CDC23: variants seen among roughly 807,000 people sequenced by gnomAD.
The protein encoded by CDC23 is cell division cycle 23, also known as cell division cycle protein 23 homolog.
CDC23 carries 26 observed loss-of-function variants against 81.7 expected under a neutral mutation model. The observed-to-expected ratio is 0.32, with a 90% confidence interval of 0.23 to 0.44. CDC23 has a LOEUF of 0.44. Ranked by LOEUF, CDC23 falls within the 20% of genes least tolerant of loss-of-function variation. The probability of loss-of-function intolerance (pLI) is 1.00; values close to 1 mark genes in which losing one functional copy is unlikely to be tolerated. For missense variants in CDC23, 519 were observed against 728.0 expected (o/e 0.71, Z 3.30); for synonymous variants, 267 against 270.8 (o/e 0.99, Z 0.14).
chr5:138,202,932 C>T (rs1278331301), intron 3 of CDC23, among the ~76,000 whole-genome samples: 1 of 152,118 alleles, frequency 6.6e-6, no homozygotes, highest in Non-Finnish European at 1.5e-5. Flanking sequence ...ATGTTATCCG[C>T]ACAGACTGTT....
At chr5:138,206,940 C>T (rs192203671) in intron 2 of CDC23, among the ~76,000 whole-genome samples, 1,513 of 141,614 alleles carry the variant, frequency 0.011, 13 homozygotes, top group Middle Eastern at 0.042. Context: ...AGTGCAGTGG[C>T]GCAATCTCAG....
intron 3 of CDC23, chr5:138,205,992 A>C (rs1370120389): frequency 6.6e-6 from 1 of 152,440 alleles, no homozygotes; most frequent in African/African-American, 2.4e-5. Context: ...AGGGATACTC[A>C]ACCTGTACTA....
rs374243034 is a variant in CDC23, at chr5:138,198,316, A to C, written c.931-36T>G. On this transcript the variant is annotated intron_variant, in intron 8 of 15. Coordinates refer to ENST00000394886, the MANE Select transcript of CDC23 (RefSeq NM_004661.4). ...AGAAAAAGACAATATAAGCATGAAA[A>C]AAGAACTCCCTAAATTATTTTTCCT... 164 of 1,594,974 alleles carry C rather than the reference A, an allele frequency of 1.0e-4. No individual in the cohort carries two copies. The African/African-American group carries it at 2.0e-3, about 19-fold the overall frequency.
At chr5:138,192,471 A>C (rs1351893953) in intron 10 of CDC23, 33 bp downstream of exon 10, 6 of 1,613,250 alleles carry the variant, frequency 3.7e-6, no homozygotes, top group Non-Finnish European at 5.1e-6. Context: ...AACCACAGCA[A>C]TCTGCTCTAC....
Position 138,198,802 on chromosome 5 carries a change from G to A in CDC23, c.655-20C>T. The A allele has an allele frequency of 6.2e-7, 1 of 1,608,582 alleles. No homozygotes were observed. The highest frequency in any genetic ancestry group is 8.5e-7 in the Non-Finnish European group (1 of 1,177,992). The stretch of plus-strand genomic sequence containing the variant: ...CTTCAGCTGGCAGCAGGAGAGAGAG[G>A]GACACACTTAATATAACTTGACCTC... On this transcript the variant is annotated intron_variant, in intron 6 of 15. Transcript: ENST00000394886.
chr5:138,203,634 G>A (rs17228395), intron 3 of CDC23, among the ~76,000 whole-genome samples: 11 of 152,144 alleles, frequency 7.2e-5, no homozygotes, highest in African/African-American at 9.7e-5. Context: ...GAATTCGGCC[G>A]GGTGCAGTGG....
intron 2 of CDC23, among the ~76,000 whole-genome samples, 172 bp from the exon 3 acceptor site, chr5:138,206,856 T>C (rs1755055523): frequency 6.6e-6 from 1 of 151,012 alleles, no homozygotes. Flanking sequence ...TTTATTTTAT[T>C]ACCAAGTAAG....
intron 9 of CDC23, among the ~76,000 whole-genome samples, chr5:138,193,517 A>AC (rs1159196458): frequency 2.0e-5 from 3 of 151,994 alleles, no homozygotes; most frequent in Non-Finnish European, 4.4e-5. Flanking sequence ...AATCGCTTGA[A>AC]CCTGGGAGGC....
chr5:138,191,407 C>T (rs931842152), intron 13 of CDC23, 67 bp downstream of exon 13: 20 of 1,324,302 alleles, frequency 1.5e-5, no homozygotes, highest in Non-Finnish European at 2.1e-5. Context: ...GGCTCTAGAC[C>T]ATGCAGGACC....
In CDC23 at chr5:138,201,466, T is replaced by A. The variant is rs745975335; in HGVS notation, c.416-18A>T. 2 of 1,533,526 alleles carry A rather than the reference T, an allele frequency of 1.3e-6. No individual in the cohort carries two copies. The highest frequency in any genetic ancestry group is 1.8e-6 in the Non-Finnish European group (2 of 1,109,722). The allele number at this position is 1,533,526 out of a possible 1,614,324, so 95.0% of individuals were successfully genotyped here. ...CAGGGGGCCTAGGAAAGAAACAGAG[T>A]CTCTGTTCTAAGGTTAGGATGCTGG... On this transcript the variant is annotated intron_variant, in intron 4 of 15. Coordinates refer to ENST00000394886, the MANE Select transcript of CDC23 (RefSeq NM_004661.4).
chr5:138,191,496 T>C lies in CDC23; in HGVS notation c.1402A>G (p.Met468Val). The C allele has an allele frequency of 6.2e-7, 1 of 1,614,104 alleles. No homozygotes were observed. Among genetic ancestry groups the C allele is most frequent in the East Asian group, 2.2e-5 (1 of 44,886 alleles). The change falls in exon 13 of 16, where the codon ATG becomes GTG. Residue 468 changes from methionine to valine, a missense_variant. Transcript: ENST00000394886. The stretch of plus-strand genomic sequence containing the variant: ...CACTTTGCCAGTTTCACCAGAGCCA[T>C]TTTCTCCACATCTCCCACGGCGTAA... ...RAYAVGDVEK[M>V]ALVKLAKLHE...
intron 3 of CDC23, among the ~76,000 whole-genome samples, chr5:138,204,144 GTAGAGA>G (rs1418577179): frequency 2.0e-5 from 3 of 152,166 alleles, no homozygotes; most frequent in East Asian, 1.9e-4. Flanking sequence ...CACACGTTGT[GTAGAGA>G]TAAAGTAGAG....
At chr5:138,190,955 T>TGCC (rs1754820613) in intron 13 of CDC23, among the ~76,000 whole-genome samples, 1 of 152,186 alleles carries the variant, frequency 6.6e-6, no homozygotes, top group Non-Finnish European at 1.5e-5. Flanking sequence ...AGAACCTCTT[T>TGCC]GCCTACTATT....
At chr5:138,209,163 A>G (rs1755085649) in intron 2 of CDC23, among the ~76,000 whole-genome samples, 1 of 151,110 alleles carries the variant, frequency 6.6e-6, no homozygotes, top group African/African-American at 2.4e-5. Context: ...GTGGTGGCTC[A>G]TGCCTGTAAT....
At position 138,201,366 on chromosome 5, in the gene CDC23, T is replaced by G. The variant is rs1187512296; in HGVS notation, c.498A>C (p.Glu166Asp). 6.2e-7 allele frequency: 1 copy of G among 1,613,938 alleles called. No homozygotes were observed. The highest frequency in any genetic ancestry group is 8.5e-7 in the Non-Finnish European group (1 of 1,179,836). Residue 166 changes from glutamate (E) to aspartate (D), a missense_variant, in exon 5 of 16, where the codon GAA (glutamate) becomes GAC (aspartate). Glu to Asp is a conservative substitution (Grantham distance 45, BLOSUM62 2). Transcript: ENST00000394886. ...ACAGATAAAGTCCAAATCCATCAAG[T>G]TCTCGAGCTTGGTGTTTTTTGCTGA... ...VELSKKHQAR[E>D]LDGFGLYLYG...
chr5:138,209,670 C>CAA (rs1164010549), intron 2 of CDC23, among the ~76,000 whole-genome samples: 2 of 148,964 alleles, frequency 1.3e-5, no homozygotes, highest in East Asian at 2.0e-4. Context: ...GTTAAAAATA[C>CAA]AAAAATTAGC....
In CDC23 at chr5:138,187,693, A is replaced by G. The variant is rs936726690; in HGVS notation, c.*1285T>C. On this transcript the variant is annotated 3_prime_UTR_variant, in exon 16 of 16. Transcript: ENST00000394886. ...ATTGAATTCCAAATGTAGCAAAATC[A>G]TTAAAACAAATTATAAAAGGGACAG... is the stretch of plus-strand genomic sequence containing the variant. 7.0e-6 allele frequency: 2 copies of G among 284,662 alleles called. No individual in the cohort carries two copies. Among genetic ancestry groups the G allele is most frequent in the Non-Finnish European group, 1.3e-5 (2 of 150,040 alleles). 17.6% of individuals were successfully genotyped at this position (284,662 alleles called of 1,614,324 possible). A position where few individuals can be genotyped will look rare whatever the true frequency, so the allele number is the denominator to read the frequency against.
intron 2 of CDC23, among the ~76,000 whole-genome samples, chr5:138,208,672 A>C (rs1013957428): frequency 2.0e-5 from 3 of 152,224 alleles, no homozygotes; most frequent in African/African-American, 7.2e-5. Context: ...TAATTCAGAA[A>C]GTTTTACTAT....
At chr5:138,199,641 G>T (rs1267430965) in intron 6 of CDC23, among the ~76,000 whole-genome samples, 1 of 152,188 alleles carries the variant, frequency 6.6e-6, no homozygotes, top group African/African-American at 2.4e-5. Flanking sequence ...ACTAGATAAA[G>T]GCAGATAAGA....
Sources: gnomAD v4.1 joint callset for allele counts (sites outside exome capture counted in the v4.1 genomes callset) on GRCh38, gnomAD v4.1.1 for gene constraint, MANE v1.5 for transcripts, NCBI Gene and HGNC (gene_info 2026-07-23, HGNC 2026-07-21) for gene names.